Variants in ZNF789 observed in about 807,000 individuals in gnomAD.
ZNF789 encodes the protein zinc finger protein 789.
Under a neutral mutation model 15.6 loss-of-function variants are expected in ZNF789, and 11 were observed. The ratio of observed to expected loss-of-function variants is 0.70; its 90% CI spans 0.44 to 1.16. ZNF789 has a LOEUF of 1.16. Ranked by LOEUF, ZNF789 falls within the 50% of genes most tolerant of loss-of-function variation. The probability of loss-of-function intolerance (pLI) is 0.00; values close to 1 mark genes in which losing one functional copy is unlikely to be tolerated. For synonymous variants in ZNF789, 159 were observed against 176.0 expected (o/e 0.90, Z 0.76); for missense variants, 461 against 512.6 (o/e 0.90, Z 0.97).
chr7:99,486,820 A>G lies in ZNF789; in HGVS notation c.610A>G (p.Ser204Gly). ...ILTRAKSYEC[S>G]ECGKVIRRKA... is the part of the protein sequence containing the mutation. ...CACAAGAGCAAAGTCTTATGAATGCAGTGAATGTGGAAAAGTCATTAGGCG... is the reference window on the plus strand; with the variant it reads ...CACAAGAGCAAAGTCTTATGAATGCGGTGAATGTGGAAAAGTCATTAGGCG... Residue 204 changes from serine to glycine, a missense_variant, in exon 5 of 5, where the codon AGT becomes GGT. By Grantham distance (56) the Ser-to-Gly change is moderately conservative. Transcript: ENST00000331410. 1 of 1,614,222 alleles carries G rather than the reference A, an allele frequency of 6.2e-7. No homozygotes were observed. Among genetic ancestry groups the G allele is most frequent in the Non-Finnish European group, 8.5e-7 (1 of 1,180,040 alleles).
chr7:99,483,042 C>T (rs533193213), intron 3 of ZNF789, among the ~76,000 whole-genome samples: 3 of 151,318 alleles, frequency 2.0e-5, no homozygotes, highest in African/African-American at 7.3e-5. Flanking sequence ...ACCAGTTGGC[C>T]AACATGGTGA....
chr7:99,481,922 GT>G (rs1799652415), intron 3 of ZNF789: 1 of 469,964 alleles, frequency 2.1e-6, no homozygotes, highest in Non-Finnish European at 3.8e-6. Context: ...TAACATTTTG[GT>G]TTACTTTTTC....
At chr7:99,479,243 C>T (rs530359802) in intron 2 of ZNF789, 13 of 160,414 alleles carry the variant, frequency 8.1e-5, no homozygotes, top group African/African-American at 3.1e-4. Flanking sequence ...GGTCAGCAAA[C>T]TGCCCTGGAC....
At chr7:99,479,573 C>T in intron 2 of ZNF789, 88 bp from the exon 3 acceptor site, 1 of 1,469,798 alleles carries the variant, frequency 6.8e-7, no homozygotes, top group South Asian at 1.4e-5. Context: ...ACTCTACCTC[C>T]CAAACCTTGG....
intron 1 of ZNF789, among the ~76,000 whole-genome samples, chr7:99,473,531 C>T (rs924270557): frequency 5.9e-5 from 9 of 152,206 alleles, no homozygotes; most frequent in Admixed American, 5.9e-4. Flanking sequence ...ATCAGCCTCG[C>T]ATCTGTAGCT....
At chr7:99,478,470 C>T in intron 2 of ZNF789, 1 of 851,892 alleles carries the variant, frequency 1.2e-6, no homozygotes, top group South Asian at 1.4e-5. Context: ...CTACGTGAAG[C>T]TTCTCAGGAT....
At chr7:99,486,416 C>G in intron 4 of ZNF789, 60 bp from the exon 5 acceptor site, 1 of 1,486,194 alleles carries the variant, frequency 6.7e-7, no homozygotes. Context: ...GTTGCCTTCT[C>G]TTCCTTTTTT....
chr7:99,476,684 G>A (rs1267901792), intron 2 of ZNF789, among the ~76,000 whole-genome samples: 1 of 152,254 alleles, frequency 6.6e-6, no homozygotes, highest in Non-Finnish European at 1.5e-5. Context: ...AAATGGGTCA[G>A]TGAGAGTGCC....
At chr7:99,474,892 G>A (rs2151048159) in intron 1 of ZNF789, among the ~76,000 whole-genome samples, 1 of 152,068 alleles carries the variant, frequency 6.6e-6, no homozygotes, top group Middle Eastern at 3.4e-3. Context: ...GACTGAGGCA[G>A]GAGCATTGCT....
At position 99,486,963 on chromosome 7, in the gene ZNF789, C is replaced by G. The variant is rs771364394; in HGVS notation, c.753C>G (p.His251Gln). The G allele has an allele frequency of 3.0e-5, 49 of 1,614,150 alleles. No homozygotes were observed. The highest frequency in any genetic ancestry group is 4.1e-5 in the Non-Finnish European group (48 of 1,180,048). The change falls in exon 5 of 5, where the codon CAC (histidine) becomes CAG (glutamine). Residue 251 changes from histidine to glutamine, a missense_variant. Transcript: ENST00000331410. The stretch of plus-strand genomic sequence containing the variant: ...CTCTTACGGTCCATAAACAGTGTCA[C>G]CTGCAAAACAAGCCATACAGATGTC... Reference protein sequence around the residue: ...RSALTVHKQCHLQNKPYRCHD... With the variant: ...RSALTVHKQCQLQNKPYRCHD...
At chr7:99,479,996 C>G (rs989979742) in intron 3 of ZNF789, 4 of 632,532 alleles carry the variant, frequency 6.3e-6, no homozygotes, top group Non-Finnish European at 1.0e-5. Flanking sequence ...TTTATTTTTC[C>G]AACTTGGTGT....
chr7:99,481,441 A>G (rs942488973), intron 3 of ZNF789: 8 of 152,124 alleles, frequency 5.3e-5, no homozygotes, highest in African/African-American at 1.9e-4. Context: ...TGCATATCCA[A>G]TAGTAACATT....
intron 4 of ZNF789, among the ~76,000 whole-genome samples, chr7:99,485,949 C>T (rs1314367453): frequency 6.6e-6 from 1 of 152,204 alleles, no homozygotes; most frequent in Non-Finnish European, 1.5e-5. Context: ...CTGGCATACA[C>T]ACTCCTATAC....
At chr7:99,475,834 C>T (rs1462118492) in intron 1 of ZNF789, among the ~76,000 whole-genome samples, 8 of 130,164 alleles carry the variant, frequency 6.1e-5, no homozygotes, top group Admixed American at 2.6e-4. Flanking sequence ...GAGATGGAGT[C>T]TTGCTCTGTC....
At chr7:99,477,910 TGCACTCTA>T (rs1799421268) in intron 2 of ZNF789, among the ~76,000 whole-genome samples, 1 of 152,176 alleles carries the variant, frequency 6.6e-6, no homozygotes, top group Non-Finnish European at 1.5e-5. Flanking sequence ...ATCGCGCCAT[TGCACTCTA>T]GCCTGGGCAA....
chr7:99,485,125 T>G, intron 4 of ZNF789: 1 of 1,491,488 alleles, frequency 6.7e-7, no homozygotes, highest in South Asian at 1.3e-5. Flanking sequence ...CTGCCTCTTG[T>G]TCCCTTGCTT....
At chr7:99,486,405 A>G (rs1799954691) in intron 4 of ZNF789, 71 bp from the exon 5 acceptor site, 1 of 1,386,870 alleles carries the variant, frequency 7.2e-7, no homozygotes, top group Non-Finnish European at 9.8e-7. Flanking sequence ...GACCCCTAAC[A>G]GTTGCCTTCT....
In ZNF789 at chr7:99,486,286, G is replaced by A. The variant is rs1341170371; in HGVS notation, c.266-190G>A. Among the ~76,000 whole-genome samples, 4 of 152,134 alleles carry A rather than the reference G, an allele frequency of 2.6e-5. No individual in the cohort carries two copies. The South Asian group carries it at 8.3e-4, about 32-fold the overall frequency. On this transcript the variant is annotated intron_variant, in intron 4 of 4. Coordinates refer to ENST00000331410, the MANE Select transcript of ZNF789 (RefSeq NM_213603.3). Reference sequence around the variant, plus strand: ...TAAGCTATCATGCCACTGCACTCTAGCCTGGGCAACAGAGAGAGACTCCGT... The same window carrying A: ...TAAGCTATCATGCCACTGCACTCTAACCTGGGCAACAGAGAGAGACTCCGT...
At chr7:99,475,806 C>CTTTT (rs59681284) in intron 1 of ZNF789, among the ~76,000 whole-genome samples, 30 of 128,346 alleles carry the variant, frequency 2.3e-4, no homozygotes, top group Admixed American at 4.8e-4. Context: ...TTTTTTCTTT[C>CTTTT]TTTTTTTTTT....
Sources: allele counts gnomAD v4.1 joint callset (sites outside exome capture counted in the v4.1 genomes callset), GRCh38; gene constraint gnomAD v4.1.1; transcripts MANE v1.5; gene names NCBI Gene and HGNC (gene_info 2026-07-23, HGNC 2026-07-21).